SCNN1B: variants seen among roughly 807,000 people sequenced by gnomAD.
SCNN1B encodes the protein epithelial sodium channel subunit beta.
SCNN1B carries 46 observed loss-of-function variants against 65.3 expected under a neutral mutation model. That is an observed-to-expected ratio of 0.70 (90% CI 0.56 to 0.90). The LOEUF is 0.90. SCNN1B is among the 40% of genes least tolerant of loss of function. SCNN1B has a pLI of 0.00. For missense variants in SCNN1B, 751 were observed against 830.5 expected (o/e 0.90, Z 1.18); for synonymous variants, 349 against 330.6 (o/e 1.06, Z -0.60).
intron 11 of SCNN1B, among the ~76,000 whole-genome samples, chr16:23,379,640 G>C (rs540416240): frequency 1.3e-5 from 2 of 152,296 alleles, no homozygotes; most frequent in Non-Finnish European, 2.9e-5. Flanking sequence ...GGCGCTCAAG[G>C]CTCAGTGAAG....
chr16:23,308,901 C>CGTAAAA (rs1961278546), intron 1 of SCNN1B, among the ~76,000 whole-genome samples: 1 of 152,166 alleles, frequency 6.6e-6, no homozygotes, highest in African/African-American at 2.4e-5. Context: ...CCATGCCTGG[C>CGTAAAA]CACGATCTGT....
intron 1 of SCNN1B, among the ~76,000 whole-genome samples, chr16:23,346,331 A>T (rs953676834): frequency 5.4e-5 from 8 of 148,938 alleles, no homozygotes; most frequent in Non-Finnish European, 8.9e-5. Flanking sequence ...AGGCTAAAGC[A>T]GTTCTCCTGC....
In SCNN1B at chr16:23,380,748, C is replaced by T. The variant is rs372132399; in HGVS notation, c.1870C>T (p.Arg624Cys). ...GTPPPNYDSL[R>C]LQPLDVIESD... Reference sequence around the variant, plus strand: ...CCCGCCCCCCAACTATGACTCCCTGCGTCTGCAGCCGCTGGACGTCATCGA... The same window carrying T: ...CCCGCCCCCCAACTATGACTCCCTGTGTCTGCAGCCGCTGGACGTCATCGA... The change falls in exon 13 of 13, where the codon CGT (arginine) becomes TGT (cysteine). Residue 624 changes from arginine (R) to cysteine (C), a missense_variant. Coordinates refer to ENST00000343070, the MANE Select transcript of SCNN1B (RefSeq NM_000336.3). The surrounding 1 kb of genome is among the most constrained non-coding windows in gnomAD (Gnocchi z 5.4). The T allele has an allele frequency of 3.9e-5, 63 of 1,612,472 alleles. No homozygotes were observed. In the African/African-American group the frequency reaches 4.9e-4, roughly 13 times the overall value.
chr16:23,339,096 T>C (rs1345347754), intron 1 of SCNN1B, among the ~76,000 whole-genome samples: 2 of 152,240 alleles, frequency 1.3e-5, no homozygotes, highest in Non-Finnish European at 2.9e-5. Context: ...AATTCATATT[T>C]TCTAGGGGTT....
intron 1 of SCNN1B, among the ~76,000 whole-genome samples, chr16:23,339,699 G>A (rs546987516): frequency 2.7e-3 from 413 of 152,042 alleles, no homozygotes; most frequent in African/African-American, 9.7e-3. Context: ...CCAAGTAGCT[G>A]GGATTACAGG....
intron 1 of SCNN1B, among the ~76,000 whole-genome samples, chr16:23,335,015 A>T (rs571814024): frequency 5.1e-4 from 77 of 152,350 alleles, no homozygotes; most frequent in Middle Eastern, 6.8e-3. Context: ...TTTAAATTTT[A>T]ATTGCTCTTT....
intron 1 of SCNN1B, among the ~76,000 whole-genome samples, chr16:23,347,358 C>A (rs1962211903): frequency 1.3e-5 from 2 of 152,140 alleles, no homozygotes; most frequent in Non-Finnish European, 2.9e-5. Flanking sequence ...ATTTCCTCCT[C>A]TCAGCAATCC....
intron 2 of SCNN1B, among the ~76,000 whole-genome samples, chr16:23,292,970 C>T (rs147830493): frequency 9.5e-4 from 144 of 151,390 alleles, no homozygotes; most frequent in African/African-American, 3.3e-3. Flanking sequence ...CAAACATTAG[C>T]GAGGCATGGT....
At chr16:23,283,574 T>A (rs1960811218) in intron 1 of SCNN1B, among the ~76,000 whole-genome samples, 1 of 152,232 alleles carries the variant, frequency 6.6e-6, no homozygotes. Flanking sequence ...CAATTTCTAC[T>A]GAATATATAT....
intron 1 of SCNN1B, among the ~76,000 whole-genome samples, chr16:23,304,919 C>T (rs1175820483): frequency 6.6e-6 from 1 of 152,088 alleles, no homozygotes. Flanking sequence ...AAATAAAATG[C>T]TTAGGGACTC....
At chr16:23,306,159 C>T (rs575761495) in intron 1 of SCNN1B, among the ~76,000 whole-genome samples, 2 of 151,710 alleles carry the variant, frequency 1.3e-5, no homozygotes, top group Admixed American at 1.3e-4. Flanking sequence ...GGGAGAATCG[C>T]TTGAACCCAG....
chr16:23,310,661 A>T (rs1961321662), intron 1 of SCNN1B, among the ~76,000 whole-genome samples: 1 of 152,274 alleles, frequency 6.6e-6, no homozygotes, highest in Admixed American at 6.5e-5. Flanking sequence ...TGGGCAACAC[A>T]GCGAGACCCT....
At chr16:23,300,374 A>G (rs1961057689), upstream of SCNN1B, among the ~76,000 whole-genome samples, 1 of 152,150 alleles carries the variant, frequency 6.6e-6, no homozygotes, top group African/African-American at 2.4e-5. Flanking sequence ...AAAAAAAGCA[A>G]TGGTGGGTCA....
chr16:23,323,662 A>G, intron 1 of SCNN1B: 1 of 699,578 alleles, frequency 1.4e-6, no homozygotes, highest in Non-Finnish European at 2.6e-6. Context: ...ACCCCATTGT[A>G]AAGGAAAGTG....
rs748187613 is a variant in SCNN1B, at chr16:23,348,812, C to T, written c.213C>T (p.Ile71=). ...TCTGCTGGCAGTGGGGCATCTTCATCAGGACCTACTTGAGCTGGGAGGTCA... is the reference window on the plus strand; with the variant it reads ...TCTGCTGGCAGTGGGGCATCTTCATTAGGACCTACTTGAGCTGGGAGGTCA... ...ALVCWQWGIF[I]RTYLSWEVSV... is the part of the protein sequence containing the mutation. The change falls in exon 2 of 13, where the codon ATC becomes ATT. Residue 71 remains isoleucine (I), a synonymous_variant. Coordinates refer to ENST00000343070, the MANE Select transcript of SCNN1B (RefSeq NM_000336.3). The surrounding 1 kb of genome is among the most constrained non-coding windows in gnomAD (Gnocchi z 4.5). The T allele has an allele frequency of 3.5e-5, 56 of 1,614,090 alleles. No individual in the cohort carries two copies. Among genetic ancestry groups the T allele is most frequent in the Non-Finnish European group, 4.7e-5 (55 of 1,180,048 alleles).
chr16:23,316,905 C>A (rs1961483538), intron 1 of SCNN1B, among the ~76,000 whole-genome samples: 1 of 151,908 alleles, frequency 6.6e-6, no homozygotes, highest in Non-Finnish European at 1.5e-5. Flanking sequence ...CTCACCATCA[C>A]CTCCATTATC....
chr16:23,281,273 A>G (rs962317399), intron 1 of SCNN1B, among the ~76,000 whole-genome samples: 1 of 152,092 alleles, frequency 6.6e-6, no homozygotes, highest in Non-Finnish European at 1.5e-5. Context: ...TCTCTACTAA[A>G]AATAGGAAAA....
At chr16:23,307,921 C>T (rs1453681473) in intron 1 of SCNN1B, among the ~76,000 whole-genome samples, 1 of 151,882 alleles carries the variant, frequency 6.6e-6, no homozygotes, top group African/African-American at 2.4e-5. Context: ...GGCACATGCC[C>T]GTAGTCCCAG....
At chr16:23,370,652 A>G (rs935878450) in intron 5 of SCNN1B, among the ~76,000 whole-genome samples, 1 of 152,208 alleles carries the variant, frequency 6.6e-6, no homozygotes, top group African/African-American at 2.4e-5. Flanking sequence ...GAAAGTGTAC[A>G]ACCAAGACCC....
Sources: gnomAD v4.1 joint callset for allele counts (sites outside exome capture counted in the v4.1 genomes callset) on GRCh38, gnomAD v4.1.1 for gene constraint, Gnocchi (gnomAD v3.1) non-coding constraint, MANE v1.5 for transcripts, NCBI Gene and HGNC (gene_info 2026-07-23, HGNC 2026-07-21) for gene names.